Variants in ATXN1 observed in about 807,000 individuals in gnomAD.
ATXN1 encodes ataxin 1.
A neutral mutation model predicts 56.4 loss-of-function variants in ATXN1; 8 were observed. The ratio of observed to expected loss-of-function variants is 0.14; its 90% CI spans 0.08 to 0.26. The LOEUF is 0.26. Ranked by LOEUF, ATXN1 falls within the 10% of genes least tolerant of loss-of-function variation. The probability of loss-of-function intolerance (pLI) is 1.00; values close to 1 mark genes in which losing one functional copy is unlikely to be tolerated. For missense variants in ATXN1, 987 were observed against 1,106.5 expected (o/e 0.89, Z 1.53); for synonymous variants, 514 against 494.6 (o/e 1.04, Z -0.52).
rs1229160954 is a variant in ATXN1, at chr6:16,440,577, G to T, written c.-161+45395C>A. Among the ~76,000 whole-genome samples the T allele has an allele frequency of 2.1e-5, 3 of 142,090 alleles. No individual in the cohort carries two copies. The East Asian group carries it at 6.1e-4, about 29-fold the overall frequency. 93.2% of individuals were successfully genotyped at this position (142,090 alleles called of 152,430 possible). On this transcript the variant is annotated intron_variant, in intron 6 of 7. Transcript: ENST00000436367. ...GATTGCTTGAACCCAGGAGCCAGAGGTTGCAGTGAGCCAAAATAGCACCAC... is the reference window on the plus strand; with the variant it reads ...GATTGCTTGAACCCAGGAGCCAGAGTTTGCAGTGAGCCAAAATAGCACCAC...
At chr6:16,749,706 C>T (rs943040633) in intron 2 of ATXN1, among the ~76,000 whole-genome samples, 1 of 152,110 alleles carries the variant, frequency 6.6e-6, no homozygotes, top group African/African-American at 2.4e-5. Flanking sequence ...AGCTACTCTC[C>T]GCTGCCTCTT....
intron 5 of ATXN1, among the ~76,000 whole-genome samples, chr6:16,520,969 G>A (rs1761276018): frequency 6.6e-6 from 1 of 152,180 alleles, no homozygotes; most frequent in Non-Finnish European, 1.5e-5. Flanking sequence ...AAGACAAAGT[G>A]ATTAAGCTGA....
At chr6:16,347,252 C>T (rs1054477777) in intron 6 of ATXN1, among the ~76,000 whole-genome samples, 1 of 152,276 alleles carries the variant, frequency 6.6e-6, no homozygotes, top group South Asian at 2.1e-4. Context: ...GGCAGCTCCA[C>T]CTACTGCCTC....
At chr6:16,722,213 C>T (rs887404098) in intron 2 of ATXN1, among the ~76,000 whole-genome samples, 2 of 152,204 alleles carry the variant, frequency 1.3e-5, no homozygotes, top group Non-Finnish European at 2.9e-5. Flanking sequence ...AATGGCACTG[C>T]AGCAGGGGGC....
At chr6:16,457,109 A>G (rs1432768359) in intron 6 of ATXN1, among the ~76,000 whole-genome samples, 1 of 152,184 alleles carries the variant, frequency 6.6e-6, no homozygotes, top group East Asian at 1.9e-4. Flanking sequence ...TCCTAATAAC[A>G]ACAGGAGAAA....
intron 5 of ATXN1, among the ~76,000 whole-genome samples, chr6:16,507,802 A>G (rs1383262796): frequency 1.3e-5 from 2 of 152,198 alleles, no homozygotes; most frequent in Non-Finnish European, 2.9e-5. Context: ...GAAGAAAACA[A>G]ATTTGACTAG....
At chr6:16,654,741 G>T (rs1158701089) in intron 3 of ATXN1, among the ~76,000 whole-genome samples, 1 of 151,950 alleles carries the variant, frequency 6.6e-6, no homozygotes, top group Non-Finnish European at 1.5e-5. Context: ...AGCATAAATG[G>T]AGAGGAAGAT....
At chr6:16,382,981 T>TA (rs2113508999) in intron 6 of ATXN1, among the ~76,000 whole-genome samples, 1 of 152,222 alleles carries the variant, frequency 6.6e-6, no homozygotes, top group South Asian at 2.1e-4. Context: ...AAAGCCTTGT[T>TA]ACTCCTCTCT....
At chr6:16,519,960 AAG>A (rs1246105265) in intron 5 of ATXN1, among the ~76,000 whole-genome samples, 1 of 152,186 alleles carries the variant, frequency 6.6e-6, no homozygotes. Context: ...TGGGAAATAA[AAG>A]AGGGTATCAG....
chr6:16,371,042 T>A (rs916431808), intron 6 of ATXN1, among the ~76,000 whole-genome samples: 2 of 152,078 alleles, frequency 1.3e-5, no homozygotes, highest in Admixed American at 6.5e-5. Flanking sequence ...TGTCAGAAAT[T>A]AAGAGAATGC....
chr6:16,341,913 G>A lies in ATXN1; in HGVS notation c.-160-13443C>T, dbSNP rs1328968367. ...TTTTTTTTTTTTGAGACGGAGTCTC[G>A]CTCTGTCACCCAGGCTGGTGTGCAA... On this transcript the variant is annotated intron_variant, in intron 6 of 7. Transcript: ENST00000436367. Among the ~76,000 whole-genome samples, 12 of 124,236 alleles carry A rather than the reference G, an allele frequency of 9.7e-5. 1 individual carries two copies. Among genetic ancestry groups the A allele is most frequent in the Admixed American group, 9.5e-4 (9 of 9,428 alleles). The allele number at this position is 124,236 out of a possible 152,430, so 81.5% of individuals were successfully genotyped here.
intron 3 of ATXN1, among the ~76,000 whole-genome samples, chr6:16,610,991 G>T (rs1666525161): frequency 6.6e-6 from 1 of 152,064 alleles, no homozygotes; most frequent in South Asian, 2.1e-4. Flanking sequence ...GATCCCACCA[G>T]TGCACTCCAG....
At chr6:16,413,857 G>A (rs530347925) in intron 6 of ATXN1, among the ~76,000 whole-genome samples, 159 of 152,272 alleles carry the variant, frequency 1.0e-3, no homozygotes, top group Non-Finnish European at 1.9e-3. Flanking sequence ...TCAGCTTAGG[G>A]GAACAGATAA....
chr6:16,451,201 C>G (rs1367753380), intron 6 of ATXN1, among the ~76,000 whole-genome samples: 1 of 152,220 alleles, frequency 6.6e-6, no homozygotes, highest in East Asian at 1.9e-4. Flanking sequence ...GGCACAGTTG[C>G]TCACGCCTGT....
chr6:16,707,339 T>C (rs1173939990), intron 2 of ATXN1, among the ~76,000 whole-genome samples: 1 of 152,192 alleles, frequency 6.6e-6, no homozygotes, highest in Non-Finnish European at 1.5e-5. Flanking sequence ...TTGCCACTCA[T>C]ACTTGGCACC....
At chr6:16,693,338 T>C (rs1403473190) in intron 2 of ATXN1, among the ~76,000 whole-genome samples, 10 of 152,126 alleles carry the variant, frequency 6.6e-5, no homozygotes, top group South Asian at 2.1e-4. Flanking sequence ...TCTGTAAAAA[T>C]GGGATACCAG....
At chr6:16,748,240 G>A (rs1760598495) in intron 2 of ATXN1, among the ~76,000 whole-genome samples, 1 of 152,216 alleles carries the variant, frequency 6.6e-6, no homozygotes, top group Non-Finnish European at 1.5e-5. Flanking sequence ...GACAGCCTGT[G>A]TCAGAAAGCT....
At chr6:16,605,624 T>C (rs1762991227) in intron 3 of ATXN1, among the ~76,000 whole-genome samples, 1 of 152,194 alleles carries the variant, frequency 6.6e-6, no homozygotes, top group Non-Finnish European at 1.5e-5. Context: ...GAGCTCTTGG[T>C]TAAGCAACTT....
intron 6 of ATXN1, among the ~76,000 whole-genome samples, chr6:16,374,138 CAA>C (rs376857810): frequency 1.6e-4 from 14 of 85,382 alleles, no homozygotes; most frequent in Admixed American, 6.5e-4. Context: ...AGGATATGAG[CAA>C]AAAAAAAAAA....
Sources: gnomAD v4.1 joint callset for allele counts (sites outside exome capture counted in the v4.1 genomes callset) on GRCh38, gnomAD v4.1.1 for gene constraint, MANE v1.5 for transcripts, NCBI Gene and HGNC (gene_info 2026-07-23, HGNC 2026-07-21) for gene names.